The following REV3L variants were observed in gnomAD, a reference collection of about 807,000 sequenced individuals.
The protein encoded by REV3L is REV3 like, DNA directed polymerase zeta catalytic subunit.
In REV3L, 69 loss-of-function variants were observed where a neutral mutation model predicts 299.4. The ratio of observed to expected loss-of-function variants is 0.23; its 90% CI spans 0.19 to 0.28. The LOEUF (loss-of-function observed/expected upper bound fraction) is 0.28. Among genes scored for constraint, REV3L ranks in the 10% least tolerant of loss-of-function variants. REV3L has a pLI of 1.00. For missense variants in REV3L, 3,128 were observed against 3,693.8 expected (o/e 0.85, Z 3.97); for synonymous variants, 1,238 against 1,271.4 (o/e 0.97, Z 0.56).
chr6:111,482,961 C>G lies in REV3L; in HGVS notation c.-73G>C. On this transcript the variant is annotated 5_prime_UTR_variant, in exon 1 of 32. Coordinates refer to ENST00000368802, the MANE Select transcript of REV3L (RefSeq NM_001372078.1). ...GCAGCAGCAGCGGCGGCGGCTCCCT[C>G]CGCAGCGGCGGCGGCGCCCCCTCCC... is the stretch of plus-strand genomic sequence containing the variant. 1 of 1,433,178 alleles carries G rather than the reference C, an allele frequency of 7.0e-7. No homozygotes were observed. Among genetic ancestry groups the G allele is most frequent in the Non-Finnish European group, 9.1e-7 (1 of 1,098,606 alleles). The allele number at this position is 1,433,178 out of a possible 1,614,324, so 88.8% of individuals were successfully genotyped here. A position where few individuals can be genotyped will look rare whatever the true frequency, so the allele number is the denominator to read the frequency against.
intron 1 of REV3L, among the ~76,000 whole-genome samples, chr6:111,425,317 G>T (rs962925865): frequency 1.3e-5 from 2 of 152,146 alleles, no homozygotes; most frequent in Admixed American, 6.5e-5. Flanking sequence ...AAATTAGCCG[G>T]GTGTGGTGGC....
chr6:111,358,216 G>GT (rs1778294346), intron 17 of REV3L, among the ~76,000 whole-genome samples: 1 of 152,078 alleles, frequency 6.6e-6, no homozygotes, highest in Non-Finnish European at 1.5e-5. Flanking sequence ...TATAAGCAAA[G>GT]TAAGAATATA....
Position 111,372,731 on chromosome 6 carries a change from G to T in REV3L, c.5624C>A (p.Ala1875Asp). The change falls in exon 13 of 32, where the codon GCT (alanine) becomes GAT (aspartate). Residue 1875 changes from alanine (A) to aspartate (D), a missense_variant. By Grantham distance (126) the Ala-to-Asp change is moderately radical. Coordinates refer to ENST00000368802, the MANE Select transcript of REV3L (RefSeq NM_001372078.1). ...GGACATAAGTGGTTTCAGAATGTTAGCAGTTCGAGGGGTGAAGCTGCCATT... is the reference window on the plus strand; with the variant it reads ...GGACATAAGTGGTTTCAGAATGTTATCAGTTCGAGGGGTGAAGCTGCCATT... ...SKNGSFTPRT[A>D]NILKPLMSPP... 1 of 1,611,448 alleles carries T rather than the reference G, an allele frequency of 6.2e-7. No individual in the cohort carries two copies. The highest frequency in any genetic ancestry group is 1.7e-5 in the Admixed American group (1 of 59,710).
intron 4 of REV3L, among the ~76,000 whole-genome samples, chr6:111,396,033 A>G (rs2128261322): frequency 6.6e-6 from 1 of 151,936 alleles, no homozygotes; most frequent in East Asian, 1.9e-4. Flanking sequence ...CCCCTGAAAT[A>G]AGTTTTTTTT....
At position 111,375,694 on chromosome 6, in the gene REV3L, A is replaced by G. The variant is rs1780232289; in HGVS notation, c.2661T>C (p.Asn887=). 5 of 1,614,010 alleles carry G rather than the reference A, an allele frequency of 3.1e-6. No individual in the cohort carries two copies. In the African/African-American group the frequency reaches 4.0e-5, roughly 13 times the overall value. Residue 887 remains asparagine (N), a synonymous_variant, in exon 13 of 32, where the codon AAT becomes AAC. Coordinates refer to ENST00000368802, the MANE Select transcript of REV3L (RefSeq NM_001372078.1). ...CTATAAAACCATCTGTGGGTGTTTT[A>G]TTTTCAAAAGCTCCACGAGTGGTTT... ...LTKTTRGAFE[N]KTPTDGFIDC...
At chr6:111,388,392 A>G (rs537247690) in intron 7 of REV3L, among the ~76,000 whole-genome samples, 13 of 152,276 alleles carry the variant, frequency 8.5e-5, no homozygotes, top group African/African-American at 2.9e-4. Flanking sequence ...CCCCTCATAA[A>G]ATATATTTCT....
chr6:111,430,655 G>A (rs1407151099), intron 1 of REV3L: 1 of 1,518,654 alleles, frequency 6.6e-7, no homozygotes, highest in Non-Finnish European at 9.1e-7. Context: ...GAAGAGAGAG[G>A]ACTCTGGAGA....
chr6:111,422,635 T>TATATATATATATACATATATATATATAC (rs1277876687), intron 1 of REV3L, among the ~76,000 whole-genome samples: 1 of 19,632 alleles, frequency 5.1e-5, no homozygotes, highest in African/African-American at 1.2e-4. Context: ...TATATACACA[T>TATATATATATATACATATATATATATAC]ATATATATAT....
At chr6:111,396,077 A>T (rs955792264) in intron 4 of REV3L, among the ~76,000 whole-genome samples, 3 of 152,138 alleles carry the variant, frequency 2.0e-5, no homozygotes, top group Non-Finnish European at 4.4e-5. Context: ...CCCAGGCTTG[A>T]GTACAGTGGC....
chr6:111,352,029 T>G (rs1777621965), intron 18 of REV3L, among the ~76,000 whole-genome samples: 1 of 151,482 alleles, frequency 6.6e-6, no homozygotes, highest in Admixed American at 6.6e-5. Context: ...TTTTTTGAGA[T>G]GGGGTCTCAC....
At chr6:111,448,689 C>T (rs536465439) in intron 1 of REV3L, among the ~76,000 whole-genome samples, 10 of 151,838 alleles carry the variant, frequency 6.6e-5, no homozygotes, top group South Asian at 4.2e-4. Flanking sequence ...GGCACAATCA[C>T]GGCTCACTGT....
chr6:111,466,610 G>A (rs969964222), intron 1 of REV3L, among the ~76,000 whole-genome samples: 1 of 152,202 alleles, frequency 6.6e-6, no homozygotes, highest in Non-Finnish European at 1.5e-5. Context: ...GCTGAGATGG[G>A]CAGATCACCT....
At chr6:111,422,615 CAT>C (rs200341270) in intron 1 of REV3L, among the ~76,000 whole-genome samples, 1,647 of 13,632 alleles carry the variant, frequency 0.12, 381 homozygotes, top group Middle Eastern at 0.25. Flanking sequence ...TATATATACA[CAT>C]ATATATATAT....
chr6:111,377,312 T>C (rs908074672), intron 12 of REV3L, among the ~76,000 whole-genome samples: 11 of 151,492 alleles, frequency 7.3e-5, no homozygotes, highest in Admixed American at 6.6e-4. Context: ...GAAAGTATGA[T>C]TAAAGTTTCA....
chr6:111,307,245 C>G, intron 31 of REV3L, 116 bp downstream of exon 31: 1 of 798,640 alleles, frequency 1.3e-6, no homozygotes, highest in East Asian at 2.5e-5. Context: ...ATCATTTAGA[C>G]TCTTCATTTC....
At chr6:111,309,365 GTCTCT>G (rs1772697910) in intron 30 of REV3L, 1 of 152,376 alleles carries the variant, frequency 6.6e-6, no homozygotes, top group Non-Finnish European at 1.5e-5. Context: ...AGGTGGCCCC[GTCTCT>G]TCTCTGACTG....
Position 111,464,138 on chromosome 6 carries a change from G to A in REV3L, c.139+18612C>T, listed in dbSNP as rs955418341. ...AATTTAAAAAAAAAAACTGTTTCAGGTTATCCATAAATATGTTAGTTCCCA... is the reference window on the plus strand; with the variant it reads ...AATTTAAAAAAAAAAACTGTTTCAGATTATCCATAAATATGTTAGTTCCCA... On this transcript the variant is annotated intron_variant, in intron 1 of 31. Coordinates refer to ENST00000368802, the MANE Select transcript of REV3L (RefSeq NM_001372078.1). 5.7e-4 allele frequency among the ~76,000 whole-genome samples: 87 copies of A among 151,940 alleles called. 2 individuals are homozygous for A. Among genetic ancestry groups the A allele is most frequent in the Non-Finnish European group, 1.2e-4 (8 of 67,984 alleles).
At chr6:111,464,219 G>A (rs1791142738) in intron 1 of REV3L, among the ~76,000 whole-genome samples, 1 of 152,248 alleles carries the variant, frequency 6.6e-6, no homozygotes, top group African/African-American at 2.4e-5. Context: ...CCTCAATCCA[G>A]TAGAGGTACA....
At chr6:111,355,100 A>T (rs566970274) in intron 18 of REV3L, among the ~76,000 whole-genome samples, 2 of 152,322 alleles carry the variant, frequency 1.3e-5, no homozygotes, top group South Asian at 4.1e-4. Context: ...AGAAAGAGGA[A>T]AATGATTGTG....
Sources: allele counts gnomAD v4.1 joint callset (sites outside exome capture counted in the v4.1 genomes callset), GRCh38; gene constraint gnomAD v4.1.1; transcripts MANE v1.5; gene names NCBI Gene and HGNC (gene_info 2026-07-23, HGNC 2026-07-21).